STAU1: variants seen among roughly 807,000 people sequenced by gnomAD.
STAU1 encodes staufen double-stranded RNA binding protein 1, also known as double-stranded RNA-binding protein Staufen homolog 1.
In STAU1, 13 loss-of-function variants were observed where a neutral mutation model predicts 62.9. That is an observed-to-expected ratio of 0.21 (90% CI 0.13 to 0.33). STAU1 has a LOEUF of 0.33. STAU1 is among the 10% of genes least tolerant of loss of function. The pLI, the probability that STAU1 is intolerant of heterozygous loss-of-function variation, is 1.00. For missense variants in STAU1, 571 were observed against 712.1 expected (o/e 0.80, Z 2.25); for synonymous variants, 269 against 265.1 (o/e 1.01, Z -0.14).
the STAU1 span, among the ~76,000 whole-genome samples, chr20:49,195,903 A>AAAAAAAAAAAAAAAAAAG: frequency 3.6e-4 from 34 of 94,458 alleles, 1 homozygote; most frequent in East Asian, 2.9e-3. Flanking sequence ...CCTCTCAAAA[A>AAAAAAAAAAAAAAAAAAG]AAAAAAAAAA....
At chr20:49,164,842 G>A (rs960986337) in intron 3 of STAU1, among the ~76,000 whole-genome samples, 2 of 152,138 alleles carry the variant, frequency 1.3e-5, no homozygotes, top group Non-Finnish European at 1.5e-5. Flanking sequence ...TCCTCATTAT[G>A]ATTTCTAAAC....
Position 49,117,763 on chromosome 20 carries a change from G to T in STAU1, c.1509+14C>A. The T allele has an allele frequency of 3.8e-6, 6 of 1,596,606 alleles. No individual in the cohort carries two copies. The highest frequency in any genetic ancestry group is 5.1e-6 in the Non-Finnish European group (6 of 1,171,254). On this transcript the variant is annotated intron_variant, in intron 11 of 13. Transcript: ENST00000371856. This position sits in a 1 kb window ranked among gnomAD's most constrained non-coding sequence, Gnocchi z 4.6. ...CCTGAGGCACAGCCATCACAGCTCA[G>T]GCCAGACAGTTACCTGGAATCCCTG... is the stretch of plus-strand genomic sequence containing the variant.
Position 49,166,244 on chromosome 20 carries a change from T to C in STAU1, c.-43A>G. 6.4e-7 allele frequency: 1 copy of C among 1,571,884 alleles called. No individual in the cohort carries two copies. Among genetic ancestry groups the C allele is most frequent in the Non-Finnish European group, 8.7e-7 (1 of 1,142,958 alleles). ...GTGAACAAATGCAGGTAAACAGCTT[T>C]CAGTGCAGGTTAATTCAGTGCTATG... On this transcript the variant is annotated 5_prime_UTR_variant, in exon 3 of 14. Coordinates refer to ENST00000371856, the MANE Select transcript of STAU1 (RefSeq NM_017453.4).
At position 49,117,979 on chromosome 20, in the gene STAU1, G is replaced by A. The variant is rs1242028247; in HGVS notation, c.1307C>T (p.Thr436Ile). ...CGGAGCTGCCCTGGTAAAATCTTTG[G>A]TGTGATGTCCTTGACTAACTCCTAC... ...QAVGVSQGHH[T>I]KDFTRAAPNP... Residue 436 changes from threonine (T) to isoleucine (I), a missense_variant, in exon 11 of 14, where the codon ACC (threonine) becomes ATC (isoleucine). Physicochemically the swap from Thr to Ile is moderately conservative, Grantham distance 89. Around this residue, in one of 3 missense-constraint regions of STAU1, gnomAD observed 156 missense variants for 194.7 expected, o/e 0.80. Coordinates refer to ENST00000371856, the MANE Select transcript of STAU1 (RefSeq NM_017453.4). The surrounding 1 kb of genome is among the most constrained non-coding windows in gnomAD (Gnocchi z 4.6). The A allele has an allele frequency of 1.2e-6, 2 of 1,614,180 alleles. No individual in the cohort carries two copies. Among genetic ancestry groups the A allele is most frequent in the Middle Eastern group, 1.6e-4 (1 of 6,062 alleles).
At chr20:49,174,511 G>A (rs183564689) in intron 1 of STAU1, among the ~76,000 whole-genome samples, 10 of 150,792 alleles carry the variant, frequency 6.6e-5, no homozygotes, top group African/African-American at 1.2e-4. Flanking sequence ...CCTGAGACCC[G>A]GAGTTCAAGA....
At chr20:49,179,794 G>C (rs2093701813) in intron 1 of STAU1, among the ~76,000 whole-genome samples, 1 of 152,198 alleles carries the variant, frequency 6.6e-6, no homozygotes, top group Non-Finnish European at 1.5e-5. Context: ...CATCTCTGAA[G>C]GGAGCTAATA....
chr20:49,139,840 C>G (rs1463840119), intron 5 of STAU1, among the ~76,000 whole-genome samples: 1 of 151,902 alleles, frequency 6.6e-6, no homozygotes, highest in Non-Finnish European at 1.5e-5. Context: ...CTTCCAGTCA[C>G]TTATGAAAAT....
intron 3 of STAU1, among the ~76,000 whole-genome samples, chr20:49,158,222 C>T (rs931848284): frequency 2.0e-5 from 3 of 152,036 alleles, no homozygotes; most frequent in Non-Finnish European, 4.4e-5. Flanking sequence ...GTTGCGGTTG[C>T]AGTGAGCCGA....
chr20:49,139,788 G>T (rs982414185), intron 5 of STAU1, among the ~76,000 whole-genome samples: 1 of 151,916 alleles, frequency 6.6e-6, no homozygotes, highest in Admixed American at 6.6e-5. Context: ...GCTATCAAAA[G>T]AAATGGAAAT....
At chr20:49,133,910 G>A (rs780515176) in intron 6 of STAU1, among the ~76,000 whole-genome samples, 1 of 152,200 alleles carries the variant, frequency 6.6e-6, no homozygotes, top group Non-Finnish European at 1.5e-5. Flanking sequence ...TCATCACTCG[G>A]CCAAAGGATG....
At chr20:49,188,063 G>A (rs1023744667) in intron 1 of STAU1, 53 bp downstream of exon 1, 4 of 151,276 alleles carry the variant, frequency 2.6e-5, no homozygotes, top group African/African-American at 9.7e-5. Flanking sequence ...CCTCCCCACC[G>A]CGGCGGCGCC....
the STAU1 span, among the ~76,000 whole-genome samples, chr20:49,197,324 G>A: frequency 6.7e-6 from 1 of 149,172 alleles, no homozygotes; most frequent in South Asian, 2.1e-4. Context: ...CGCAGATTTG[G>A]AGAAAACATT....
the STAU1 span, among the ~76,000 whole-genome samples, chr20:49,193,951 A>G: frequency 6.7e-6 from 1 of 148,206 alleles, no homozygotes; most frequent in Non-Finnish European, 1.5e-5. Context: ...TGTGGGCAAC[A>G]GAGACTCCAT....
chr20:49,180,287 T>A (rs921443658), intron 1 of STAU1, among the ~76,000 whole-genome samples: 13 of 150,258 alleles, frequency 8.7e-5, no homozygotes, highest in African/African-American at 3.2e-4. Flanking sequence ...AGAAATGAAT[T>A]TTTTTTTTTA....
At chr20:49,199,028 C>G in the STAU1 span, among the ~76,000 whole-genome samples, 1 of 151,262 alleles carries the variant, frequency 6.6e-6, no homozygotes, top group Admixed American at 6.6e-5. Context: ...CACCTGTAAT[C>G]CCAGCCACTC....
At chr20:49,132,031 C>T (rs2092761901) in intron 6 of STAU1, among the ~76,000 whole-genome samples, 2 of 145,340 alleles carry the variant, frequency 1.4e-5, no homozygotes, top group Admixed American at 6.9e-5. Context: ...TGGATGCACT[C>T]TTTTTTTTTT....
intron 6 of STAU1, among the ~76,000 whole-genome samples, chr20:49,132,810 A>G (rs1301776190): frequency 1.3e-5 from 2 of 152,278 alleles, no homozygotes; most frequent in African/African-American, 4.8e-5. Flanking sequence ...TTTTTCCAAA[A>G]AACTGTTCCT....
the STAU1 span, among the ~76,000 whole-genome samples, chr20:49,197,593 G>A: frequency 2.0e-5 from 3 of 151,600 alleles, no homozygotes; most frequent in Admixed American, 6.6e-5. Context: ...TAGAGACGGG[G>A]GTTTTGCCAT....
chr20:49,140,861 A>T (rs909844227), intron 5 of STAU1, among the ~76,000 whole-genome samples: 1 of 152,224 alleles, frequency 6.6e-6, no homozygotes, highest in African/African-American at 2.4e-5. Flanking sequence ...AGATACCAGA[A>T]ATCATCAACA....
Sources: gnomAD v4.1 joint callset for allele counts (sites outside exome capture counted in the v4.1 genomes callset) on GRCh38, gnomAD v4.1.1 for gene constraint, gnomAD v4.1.1 regional missense constraint, Gnocchi (gnomAD v3.1) non-coding constraint, MANE v1.5 for transcripts, NCBI Gene and HGNC (gene_info 2026-07-23, HGNC 2026-07-21) for gene names.